Variants in CNBD1 observed in about 807,000 individuals in gnomAD.
The protein encoded by CNBD1 is cyclic nucleotide-binding domain-containing protein 1.
Under a neutral mutation model 54.4 loss-of-function variants are expected in CNBD1, and 71 were observed. The observed-to-expected ratio is 1.30, with a 90% CI of 1.08 to 1.59. The LOEUF (loss-of-function observed/expected upper bound fraction) is 1.59. Among genes scored for constraint, CNBD1 ranks in the 40% most tolerant of loss-of-function variants. The pLI, the probability that CNBD1 is intolerant of heterozygous loss-of-function variation, is 0.00. For synonymous variants in CNBD1, 182 were observed against 170.7 expected, an observed-to-expected ratio of 1.07 and a Z score of -0.51; for missense variants, 659 against 518.0, an observed-to-expected ratio of 1.27 and a Z score of -2.64.
intron 1 of CNBD1, among the ~76,000 whole-genome samples, chr8:86,870,378 T>C (rs890044908): frequency 4.6e-5 from 7 of 151,748 alleles, no homozygotes; most frequent in Admixed American, 2.0e-4. Context: ...TGTATTTTTT[T>C]AGTAGAGACG....
At chr8:87,059,004 A>C (rs1393383333) in intron 4 of CNBD1, among the ~76,000 whole-genome samples, 1 of 152,122 alleles carries the variant, frequency 6.6e-6, no homozygotes, top group Admixed American at 6.5e-5. Context: ...AATTTCTTCC[A>C]CCAGATACCC....
At chr8:87,038,322 A>G (rs777164199) in intron 4 of CNBD1, among the ~76,000 whole-genome samples, 1 of 152,180 alleles carries the variant, frequency 6.6e-6, no homozygotes, top group African/African-American at 2.4e-5. Context: ...AGTTTAATTG[A>G]CGCGAGACTG....
intron 2 of CNBD1, among the ~76,000 whole-genome samples, chr8:87,423,937 A>G (rs56903658): frequency 0.15 from 22,495 of 152,224 alleles, 3,261 homozygotes; most frequent in African/African-American, 0.38. Context: ...GCTATTGATT[A>G]TTGCCACAAT....
At chr8:87,344,357 G>A (rs376143195) in intron 8 of CNBD1, among the ~76,000 whole-genome samples, 6 of 151,880 alleles carry the variant, frequency 4.0e-5, no homozygotes, top group African/African-American at 1.4e-4. Flanking sequence ...AGTTTACAAA[G>A]TCTAATAAGA....
chr8:86,977,887 A>G (rs1382290649), intron 4 of CNBD1, among the ~76,000 whole-genome samples: 1 of 152,152 alleles, frequency 6.6e-6, no homozygotes, highest in Non-Finnish European at 1.5e-5. Flanking sequence ...ATTTTAAGAG[A>G]TGAGTATTAT....
At chr8:86,949,968 T>TG in intron 4 of CNBD1, among the ~76,000 whole-genome samples, 11 of 131,534 alleles carry the variant, frequency 8.4e-5, no homozygotes, top group Non-Finnish European at 1.6e-4. Context: ...TTTTTTTTTT[T>TG]TTTTTTGAGA....
chr8:86,978,049 TTAAAG>T (rs1808382105), intron 4 of CNBD1, among the ~76,000 whole-genome samples: 1 of 152,174 alleles, frequency 6.6e-6, no homozygotes, highest in Admixed American at 6.5e-5. Flanking sequence ...CCTCTTTATA[TTAAAG>T]TAATCTGTAT....
At chr8:87,084,286 C>A (rs1216950818) in intron 4 of CNBD1, among the ~76,000 whole-genome samples, 1 of 152,104 alleles carries the variant, frequency 6.6e-6, no homozygotes, top group Non-Finnish European at 1.5e-5. Context: ...CTCTTCATTT[C>A]TTTATTTAGA....
chr8:87,299,078 G>A (rs1430958272), intron 8 of CNBD1, among the ~76,000 whole-genome samples: 2 of 152,126 alleles, frequency 1.3e-5, no homozygotes, highest in East Asian at 1.9e-4. Flanking sequence ...TCTTCAAGAG[G>A]TTTTCTAGTG....
intron 8 of CNBD1, among the ~76,000 whole-genome samples, chr8:87,294,568 G>A (rs1433502564): frequency 6.6e-6 from 1 of 152,164 alleles, no homozygotes; most frequent in African/African-American, 2.4e-5. Flanking sequence ...GTTCAGAGGA[G>A]AGTTGCTTTT....
At chr8:87,245,526 C>T (rs1328802427) in intron 6 of CNBD1, among the ~76,000 whole-genome samples, 1 of 151,716 alleles carries the variant, frequency 6.6e-6, no homozygotes, top group East Asian at 1.9e-4. Context: ...ATGAAGACAT[C>T]AAAATATAAT....
intron 4 of CNBD1, among the ~76,000 whole-genome samples, chr8:86,961,360 A>G (rs983271936): frequency 6.6e-6 from 1 of 152,236 alleles, no homozygotes; most frequent in Non-Finnish European, 1.5e-5. Flanking sequence ...CTGGGGCCAA[A>G]CAGCACCAAA....
intron 4 of CNBD1, among the ~76,000 whole-genome samples, chr8:87,047,887 G>T (rs1399975530): frequency 2.0e-5 from 3 of 152,140 alleles, no homozygotes; most frequent in Non-Finnish European, 2.9e-5. Context: ...GAAAGAATCT[G>T]GTAGGGTAAA....
At chr8:87,118,287 C>T (rs910380808) in intron 4 of CNBD1, among the ~76,000 whole-genome samples, 2 of 143,280 alleles carry the variant, frequency 1.4e-5, no homozygotes, top group African/African-American at 2.7e-5. Flanking sequence ...TGCCCTCCAG[C>T]CTGGGCGACA....
intron 8 of CNBD1, among the ~76,000 whole-genome samples, chr8:87,298,621 AT>A (rs1357622162): frequency 6.6e-6 from 1 of 151,642 alleles, no homozygotes; most frequent in African/African-American, 2.4e-5. Flanking sequence ...AGTAGCCAGG[AT>A]TACAGGCTCC....
intron 8 of CNBD1, among the ~76,000 whole-genome samples, chr8:87,314,975 A>G (rs1234980886): frequency 6.6e-6 from 1 of 152,104 alleles, no homozygotes; most frequent in Non-Finnish European, 1.5e-5. Context: ...AAACTTTAAA[A>G]AATAGTAGTA....
At chr8:86,958,693 C>T (rs1250143940) in intron 4 of CNBD1, among the ~76,000 whole-genome samples, 2 of 152,146 alleles carry the variant, frequency 1.3e-5, no homozygotes, top group Non-Finnish European at 2.9e-5. Flanking sequence ...AAATCTTCCC[C>T]CATCCCTTTA....
chr8:87,298,042 A>G (rs985210648), intron 8 of CNBD1, among the ~76,000 whole-genome samples: 3 of 151,768 alleles, frequency 2.0e-5, no homozygotes, highest in Admixed American at 2.0e-4. Context: ...ATAGATTTGT[A>G]TAAGCTGAGC....
intron 2 of CNBD1, among the ~76,000 whole-genome samples, chr8:87,406,266 T>C (rs1425590946): frequency 6.6e-6 from 1 of 152,084 alleles, no homozygotes; most frequent in Non-Finnish European, 1.5e-5. Flanking sequence ...TGTAGTATGA[T>C]ATTATTTTTG....
Sources: allele counts gnomAD v4.1 joint callset (sites outside exome capture counted in the v4.1 genomes callset), GRCh38; gene constraint gnomAD v4.1.1; transcripts MANE v1.5; gene names NCBI Gene and HGNC (gene_info 2026-07-23, HGNC 2026-07-21).